Variants in PRKG2 observed in about 807,000 individuals in gnomAD.
The protein encoded by PRKG2 is protein kinase cGMP-dependent 2, also known as cGMP-dependent protein kinase 2.
PRKG2 carries 33 observed loss-of-function variants against 97.2 expected under a neutral mutation model. The observed-to-expected ratio is 0.34, with a 90% CI of 0.26 to 0.45. The LOEUF (loss-of-function observed/expected upper bound fraction) is 0.45, where lower values mean the gene tolerates loss of function less well. PRKG2 is among the 20% of genes least tolerant of loss of function. The pLI is 1.00. For synonymous variants in PRKG2, 330 were observed against 321.8 expected (o/e 1.03, Z -0.27); for missense variants, 638 against 900.0 (o/e 0.71, Z 3.73).
chr4:81,207,098 A>T (rs1753722401), intron 1 of PRKG2, among the ~76,000 whole-genome samples: 1 of 152,214 alleles, frequency 6.6e-6, no homozygotes, highest in Non-Finnish European at 1.5e-5. Flanking sequence ...CTAGAATTCA[A>T]AGAAGTAGCC....
Position 81,087,807 on chromosome 4 carries a change from C to T in PRKG2, c.*1901G>A, listed in dbSNP as rs912873285. 4 of 152,130 alleles carry T rather than the reference C, an allele frequency of 2.6e-5. No homozygotes were observed. Among genetic ancestry groups the T allele is most frequent in the African/African-American group, 9.7e-5 (4 of 41,424 alleles). 9.4% of individuals were successfully genotyped at this position (152,130 alleles called of 1,614,324 possible). Reference sequence around the variant, plus strand: ...TAAAAAATCACATGGGAGGATAACACATTGACATGGTCAATCACAGGAAAA... The same window carrying T: ...TAAAAAATCACATGGGAGGATAACATATTGACATGGTCAATCACAGGAAAA... On this transcript the variant is annotated 3_prime_UTR_variant, in exon 19 of 19. Transcript: ENST00000264399.
intron 12 of PRKG2, among the ~76,000 whole-genome samples, chr4:81,138,311 G>A (rs913390564): frequency 1.3e-5 from 2 of 152,074 alleles, no homozygotes; most frequent in Non-Finnish European, 2.9e-5. Flanking sequence ...TAATCATCAA[G>A]AGACCCCCTT....
chr4:81,089,761 G>T lies in PRKG2; in HGVS notation c.2236C>A (p.Pro746Thr). Residue 746 changes from proline to threonine, a missense_variant, in exon 19 of 19, where the codon CCT (proline) becomes ACT (threonine). Coordinates refer to ENST00000264399, the MANE Select transcript of PRKG2 (RefSeq NM_006259.3). ...IDHSYFDKYP[P>T]EKGMPPDELS... ...TCATCTGGAGGCATTCCCTTTTCAGGAGGATATTTGTCAAAGTAGCTGTGA... is the reference window on the plus strand; with the variant it reads ...TCATCTGGAGGCATTCCCTTTTCAGTAGGATATTTGTCAAAGTAGCTGTGA... The T allele has an allele frequency of 6.2e-7, 1 of 1,613,156 alleles. No individual in the cohort carries two copies. Among genetic ancestry groups the T allele is most frequent in the Non-Finnish European group, 8.5e-7 (1 of 1,179,152 alleles).
At chr4:81,173,921 C>T (rs1425658518) in intron 3 of PRKG2, 1 of 152,008 alleles carries the variant, frequency 6.6e-6, no homozygotes, top group Non-Finnish European at 1.5e-5. Context: ...CCATTCATCA[C>T]TCCTTCTGGG....
At chr4:81,205,109 A>C (rs1338945860) in intron 1 of PRKG2, 49 bp from the exon 2 acceptor site, 1 of 1,155,602 alleles carries the variant, frequency 8.7e-7, no homozygotes, top group Non-Finnish European at 1.2e-6. Flanking sequence ...TCACTTCCCA[A>C]CAGTCCCCAC....
At chr4:81,092,350 GAAA>G in intron 18 of PRKG2, 33 bp downstream of exon 18, 1 of 1,399,574 alleles carries the variant, frequency 7.1e-7, no homozygotes, top group South Asian at 1.4e-5. Flanking sequence ...AAATCCCTGG[GAAA>G]AAAATAAAAA....
At chr4:81,205,737 C>T (rs34465103) in intron 1 of PRKG2, among the ~76,000 whole-genome samples, 2,938 of 152,244 alleles carry the variant, frequency 0.019, 45 homozygotes, top group Non-Finnish European at 0.031. Context: ...CCAAAATGTA[C>T]GACCCATGCT....
intron 14 of PRKG2, among the ~76,000 whole-genome samples, chr4:81,121,079 G>C (rs112531689): frequency 3.3e-5 from 5 of 151,938 alleles, no homozygotes; most frequent in African/African-American, 1.2e-4. Flanking sequence ...CAGCCTGCTG[G>C]TGTAATGGAT....
intron 11 of PRKG2, among the ~76,000 whole-genome samples, chr4:81,141,183 G>T (rs979625057): frequency 1.3e-5 from 2 of 151,786 alleles, no homozygotes; most frequent in Admixed American, 6.6e-5. Flanking sequence ...GCTAATTTTT[G>T]TATTTTTTAT....
At chr4:81,158,152 A>C (rs1749275496) in intron 6 of PRKG2, among the ~76,000 whole-genome samples, 1 of 145,654 alleles carries the variant, frequency 6.9e-6, no homozygotes, top group Non-Finnish European at 1.5e-5. Flanking sequence ...CCCTGTTTGC[A>C]GACGATATGA....
intron 14 of PRKG2, among the ~76,000 whole-genome samples, chr4:81,114,024 A>G (rs1744241427): frequency 6.6e-6 from 1 of 152,124 alleles, no homozygotes; most frequent in Non-Finnish European, 1.5e-5. Context: ...AATACCTAAG[A>G]GTATTTAGTA....
At chr4:81,168,138 T>C (rs1047659184) in intron 5 of PRKG2, among the ~76,000 whole-genome samples, 1 of 152,114 alleles carries the variant, frequency 6.6e-6, no homozygotes, top group African/African-American at 2.4e-5. Context: ...GAACTTGTTA[T>C]TAACACAGGC....
At chr4:81,118,951 C>T (rs768712013) in intron 14 of PRKG2, among the ~76,000 whole-genome samples, 8 of 152,118 alleles carry the variant, frequency 5.3e-5, no homozygotes, top group South Asian at 2.1e-4. Context: ...TGAGCCACCA[C>T]GCCCAGCTAA....
At chr4:81,099,344 C>T (rs1742464212) in intron 17 of PRKG2, among the ~76,000 whole-genome samples, 1 of 152,094 alleles carries the variant, frequency 6.6e-6, no homozygotes, top group South Asian at 2.1e-4. Context: ...TCCAGCAGCA[C>T]ATCAAAAAGC....
At chr4:81,097,392 T>C (rs1560531603) in intron 17 of PRKG2, among the ~76,000 whole-genome samples, 1 of 152,162 alleles carries the variant, frequency 6.6e-6, no homozygotes, top group African/African-American at 2.4e-5. Context: ...ATGGTGTCAT[T>C]CAGGCTTTGT....
intron 6 of PRKG2, among the ~76,000 whole-genome samples, chr4:81,155,047 G>A (rs919195198): frequency 3.3e-5 from 5 of 150,614 alleles, no homozygotes; most frequent in South Asian, 2.1e-4. Context: ...GCGTAGTGGC[G>A]GGCGCCTGTA....
intron 9 of PRKG2, among the ~76,000 whole-genome samples, chr4:81,144,612 T>TA (rs1560576107): frequency 1.1e-4 from 14 of 123,256 alleles, no homozygotes; most frequent in African/African-American, 7.4e-4. Context: ...ATATATATAT[T>TA]TTTTTTTTAT....
intron 2 of PRKG2, among the ~76,000 whole-genome samples, chr4:81,196,235 C>T (rs536156211): frequency 2.6e-5 from 4 of 152,286 alleles, no homozygotes; most frequent in South Asian, 2.1e-4. Context: ...GGAAGAGGAC[C>T]TCTTCCTGTA....
chr4:81,189,032 T>A (rs1360092125), intron 2 of PRKG2, among the ~76,000 whole-genome samples: 1 of 24,050 alleles, frequency 4.2e-5, no homozygotes, highest in Non-Finnish European at 6.7e-5. Flanking sequence ...ATAATAATAA[T>A]AAAAAAAGAA....
Sources: allele counts gnomAD v4.1 joint callset (sites outside exome capture counted in the v4.1 genomes callset), GRCh38; gene constraint gnomAD v4.1.1; transcripts MANE v1.5; gene names NCBI Gene and HGNC (gene_info 2026-07-23, HGNC 2026-07-21).